Variants in BCL2L14 observed in about 807,000 individuals in gnomAD.
BCL2L14 encodes the protein apoptosis facilitator Bcl-2-like protein 14.
BCL2L14 carries 27 observed loss-of-function variants against 35.3 expected under a neutral mutation model. The ratio of observed to expected loss-of-function variants is 0.76; its 90% CI spans 0.56 to 1.05. The LOEUF (loss-of-function observed/expected upper bound fraction) is 1.05. Among genes scored for constraint, BCL2L14 ranks in the 50% least tolerant of loss-of-function variants. The pLI, the probability that BCL2L14 is intolerant of heterozygous loss-of-function variation, is 0.00. For synonymous variants in BCL2L14, 139 were observed against 145.9 expected, an observed-to-expected ratio of 0.95 and a Z score of 0.34; for missense variants, 377 against 382.6, an observed-to-expected ratio of 0.99 and a Z score of 0.12.
intron 4 of BCL2L14, among the ~76,000 whole-genome samples, chr12:12,093,509 G>T (rs1386437873): frequency 6.6e-6 from 1 of 151,984 alleles, no homozygotes; most frequent in Non-Finnish European, 1.5e-5. Flanking sequence ...AATGAAGGCT[G>T]GGTACGGGCA....
At position 12,099,667 on chromosome 12, in the gene BCL2L14, A is replaced by G. The variant is rs537554130; in HGVS notation, c.*679A>G. The G allele has an allele frequency of 6.6e-6, 1 of 152,338 alleles. No individual in the cohort carries two copies. The highest frequency in any genetic ancestry group is 2.4e-5 in the African/African-American group (1 of 41,580). The allele number at this position is 152,338 out of a possible 1,614,324, so 9.4% of individuals were successfully genotyped here. On this transcript the variant is annotated 3_prime_UTR_variant, in exon 6 of 6. Coordinates refer to ENST00000308721, the MANE Select transcript of BCL2L14 (RefSeq NM_138723.2). Reference sequence around the variant, plus strand: ...AGTACAATGATTGGTAGCAGGTAAAATAAATACATAGAAAGACTACTGTCA... The same window carrying G: ...AGTACAATGATTGGTAGCAGGTAAAGTAAATACATAGAAAGACTACTGTCA...
chr12:12,095,990 G>C (rs974270106), intron 5 of BCL2L14: 1 of 985,346 alleles, frequency 1.0e-6, no homozygotes, highest in Non-Finnish European at 1.2e-6. Context: ...AAGGAGGACA[G>C]GTTCCTCAAC....
intron 5 of BCL2L14, 196 bp downstream of exon 5, chr12:12,095,126 C>T (rs150883781): frequency 5.4e-5 from 53 of 985,054 alleles, no homozygotes; most frequent in Middle Eastern, 1.0e-3. Flanking sequence ...TAAATATTTA[C>T]TGAGCTCTCC....
At chr12:12,087,103 C>A in intron 2 of BCL2L14, 110 bp from the exon 3 acceptor site, 1 of 1,185,328 alleles carries the variant, frequency 8.4e-7, no homozygotes, top group Non-Finnish European at 1.2e-6. Context: ...TACTCCCAGG[C>A]AGTTTCCTTC....
upstream of BCL2L14, among the ~76,000 whole-genome samples, chr12:12,066,464 T>G (rs886214513): frequency 6.6e-6 from 1 of 152,194 alleles, no homozygotes; most frequent in African/African-American, 2.4e-5. Flanking sequence ...TTTATCTATA[T>G]TATTCAAACT....
upstream of BCL2L14, among the ~76,000 whole-genome samples, chr12:12,070,522 C>T (rs760095735): frequency 1.3e-5 from 2 of 151,984 alleles, no homozygotes; most frequent in Non-Finnish European, 2.9e-5. Flanking sequence ...ACTAAAAATA[C>T]AAAAATTAGC....
chr12:12,089,702 C>G (rs985683937), intron 3 of BCL2L14, among the ~76,000 whole-genome samples: 3 of 152,190 alleles, frequency 2.0e-5, no homozygotes, highest in African/African-American at 7.2e-5. Context: ...ACATACTCCA[C>G]TGCACCCTGT....
In BCL2L14 at chr12:12,074,801, T is replaced by C. The variant is rs867049124; in HGVS notation, c.-8+3664T>C. On this transcript the variant is annotated intron_variant, in intron 1 of 5. Coordinates refer to ENST00000308721, the MANE Select transcript of BCL2L14 (RefSeq NM_138723.2). ...AATGAGATTATCTTTTTAAAAAATGTTTTAATTTTTAAATTTTAAAAAATA... is the reference window on the plus strand; with the variant it reads ...AATGAGATTATCTTTTTAAAAAATGCTTTAATTTTTAAATTTTAAAAAATA... 3.4e-4 allele frequency among the ~76,000 whole-genome samples: 52 copies of C among 152,178 alleles called. 1 individual carries two copies. The highest frequency in any genetic ancestry group is 1.4e-3 in the Admixed American group (21 of 15,276).
At chr12:12,050,067 T>C (rs1948324936) in intron 1 of BCL2L14, 1 of 152,176 alleles carries the variant, frequency 6.6e-6, no homozygotes, top group Non-Finnish European at 1.5e-5. Flanking sequence ...GACAATCCGT[T>C]TATCAGGCTG....
intron 5 of BCL2L14, among the ~76,000 whole-genome samples, chr12:12,096,373 GA>G (rs1294031993): frequency 1.5e-5 from 2 of 131,332 alleles, no homozygotes; most frequent in African/African-American, 2.9e-5. Context: ...AGCAACAAAA[GA>G]AAGAATAGAT....
chr12:12,095,909 T>C, intron 5 of BCL2L14: 1 of 985,444 alleles, frequency 1.0e-6, no homozygotes, highest in South Asian at 4.7e-5. Context: ...TTGATAACCC[T>C]AAGTGGCTGA....
Position 12,094,769 on chromosome 12 carries a change from G to C in BCL2L14, c.784G>C (p.Glu262Gln). Residue 262 changes from glutamate (E) to glutamine (Q), a missense_variant, in exon 5 of 6, where the codon GAA becomes CAA. Physicochemically the swap from Glu to Gln is conservative, Grantham distance 29 (BLOSUM62 2). Coordinates refer to ENST00000308721, the MANE Select transcript of BCL2L14 (RefSeq NM_138723.2). ...QVLMGVDPRGESEVKAQGFKA... is the reference protein window; with the variant it reads ...QVLMGVDPRGQSEVKAQGFKA... ...CCTAATGGGTGTGGACCCCAGGGGAGAATCAGAGGTCAAAGCTCAGGGCTT... is the reference window on the plus strand; with the variant it reads ...CCTAATGGGTGTGGACCCCAGGGGACAATCAGAGGTCAAAGCTCAGGGCTT... 5.0e-6 allele frequency: 8 copies of C among 1,614,194 alleles called. No homozygotes were observed. The highest frequency in any genetic ancestry group is 6.8e-6 in the Non-Finnish European group (8 of 1,180,034).
intron 5 of BCL2L14, chr12:12,096,282 A>C: frequency 6.5e-6 from 4 of 617,682 alleles, no homozygotes; most frequent in Non-Finnish European, 8.1e-6. Flanking sequence ...GCTAGCTCTC[A>C]AAAATCTGTT....
chr12:12,095,028 G>C, intron 5 of BCL2L14, 98 bp downstream of exon 5: 1 of 1,481,344 alleles, frequency 6.8e-7, no homozygotes, highest in Non-Finnish European at 8.9e-7. Flanking sequence ...CATCTATGAA[G>C]CAGTTCTCAT....
intron 1 of BCL2L14, chr12:12,078,011 A>C (rs1948820355): frequency 2.3e-6 from 1 of 441,560 alleles, no homozygotes; most frequent in Admixed American, 2.5e-5. Context: ...GAACAAAATC[A>C]GTTCTTTATC....
chr12:12,074,186 A>G (rs2430604), intron 1 of BCL2L14, among the ~76,000 whole-genome samples: 144,022 of 152,152 alleles, frequency 0.95, 68,189 homozygotes, highest in East Asian at 1. Flanking sequence ...AAATGTGACC[A>G]AATGTGTCCT....
chr12:12,082,154 C>G (rs1378932323), intron 2 of BCL2L14, among the ~76,000 whole-genome samples: 2 of 152,216 alleles, frequency 1.3e-5, no homozygotes, highest in Non-Finnish European at 2.9e-5. Context: ...ACAAAAAGGG[C>G]TTACCAAGGA....
At chr12:12,097,888 C>CT (rs754827860) in intron 5 of BCL2L14, among the ~76,000 whole-genome samples, 4 of 151,758 alleles carry the variant, frequency 2.6e-5, no homozygotes, top group Non-Finnish European at 5.9e-5. Flanking sequence ...GGCACTAGTT[C>CT]TTTAACATCT....
At chr12:12,070,437 C>A (rs1174880043), upstream of BCL2L14, among the ~76,000 whole-genome samples, 1 of 152,182 alleles carries the variant, frequency 6.6e-6, no homozygotes, top group Non-Finnish European at 1.5e-5. Context: ...GTAATCCCAG[C>A]ACTTTGGGAG....
Sources: allele counts gnomAD v4.1 joint callset (sites outside exome capture counted in the v4.1 genomes callset), GRCh38; gene constraint gnomAD v4.1.1; transcripts MANE v1.5; gene names NCBI Gene and HGNC (gene_info 2026-07-23, HGNC 2026-07-21).